The following SLC24A2 variants were observed in gnomAD, a reference collection of about 807,000 sequenced individuals.
SLC24A2 encodes solute carrier family 24 member 2.
In SLC24A2, 36 loss-of-function variants were observed where a neutral mutation model predicts 62.0. The ratio of observed to expected loss-of-function variants is 0.58; its 90% confidence interval spans 0.44 to 0.77. SLC24A2 has a LOEUF of 0.77. SLC24A2 is among the 30% of genes least tolerant of loss of function. The pLI is 0.00. For missense variants in SLC24A2, 846 were observed against 817.9 expected, an observed-to-expected ratio of 1.03 and a Z score of -0.42; for synonymous variants, 358 against 294.0, an observed-to-expected ratio of 1.22 and a Z score of -2.23.
chr9:20,281,845 A>T, the SLC24A2 span, among the ~76,000 whole-genome samples: 1 of 152,240 alleles, frequency 6.6e-6, no homozygotes. Context: ...ATATCTCTAC[A>T]GTACTAAATC....
intron 9 of SLC24A2, among the ~76,000 whole-genome samples, chr9:19,521,957 C>T (rs1314420786): frequency 1.3e-5 from 2 of 151,234 alleles, no homozygotes; most frequent in Non-Finnish European, 2.9e-5. Context: ...CACGTGGAAG[C>T]TCCTCCATTC....
chr9:19,804,706 T>C, the SLC24A2 span, among the ~76,000 whole-genome samples: 1 of 152,128 alleles, frequency 6.6e-6, no homozygotes, highest in Non-Finnish European at 1.5e-5. Flanking sequence ...GTCTTATTCC[T>C]GATCTCAGGG....
chr9:19,883,571 GTT>G, the SLC24A2 span, among the ~76,000 whole-genome samples: 41,862 of 147,812 alleles, frequency 0.28, 6,748 homozygotes, highest in African/African-American at 0.44. Context: ...TCTGTACATT[GTT>G]TTTTTTTTTT....
chr9:19,763,486 G>A (rs1314485274), intron 2 of SLC24A2, among the ~76,000 whole-genome samples: 4 of 152,178 alleles, frequency 2.6e-5, no homozygotes, highest in Non-Finnish European at 5.9e-5. Flanking sequence ...TTTGAGATAT[G>A]TTCCATCAAT....
the SLC24A2 span, among the ~76,000 whole-genome samples, chr9:19,828,421 C>T: frequency 2.6e-5 from 4 of 151,884 alleles, no homozygotes; most frequent in South Asian, 8.4e-4. Flanking sequence ...TATTTATTAC[C>T]CATACAACTA....
At chr9:20,105,295 A>C in the SLC24A2 span, among the ~76,000 whole-genome samples, 1 of 152,214 alleles carries the variant, frequency 6.6e-6, no homozygotes, top group Admixed American at 6.5e-5. Context: ...TCAACGAGAC[A>C]GAAAGTCAAC....
upstream of SLC24A2, among the ~76,000 whole-genome samples, chr9:19,790,590 C>G (rs561226235): frequency 6.7e-6 from 1 of 149,034 alleles, no homozygotes; most frequent in African/African-American, 2.5e-5. Context: ...ATGATTATAT[C>G]TATTAATTGA....
chr9:20,180,243 T>G, the SLC24A2 span, among the ~76,000 whole-genome samples: 58,727 of 151,994 alleles, frequency 0.39, 12,443 homozygotes, highest in East Asian at 0.51. Context: ...ACAAATTCAC[T>G]AATAACACCT....
chr9:19,820,283 G>A, the SLC24A2 span, among the ~76,000 whole-genome samples: 1 of 149,620 alleles, frequency 6.7e-6, no homozygotes, highest in Non-Finnish European at 1.5e-5. Context: ...GGGGGTTTGG[G>A]GGGAAGAGTG....
chr9:20,247,556 T>C, the SLC24A2 span, among the ~76,000 whole-genome samples: 2 of 152,178 alleles, frequency 1.3e-5, no homozygotes, highest in African/African-American at 2.4e-5. Flanking sequence ...GAGAAGTCAA[T>C]TGTCTACCAG....
chr9:20,276,218 C>T, the SLC24A2 span, among the ~76,000 whole-genome samples: 3 of 152,152 alleles, frequency 2.0e-5, no homozygotes, highest in Non-Finnish European at 4.4e-5. Flanking sequence ...AAATAGAAAG[C>T]AAGTTAATTT....
At chr9:19,708,041 A>G (rs925599102) in intron 2 of SLC24A2, among the ~76,000 whole-genome samples, 4 of 152,232 alleles carry the variant, frequency 2.6e-5, no homozygotes, top group Non-Finnish European at 5.9e-5. Context: ...TAAGCTGATA[A>G]GCAAATTCAG....
the SLC24A2 span, among the ~76,000 whole-genome samples, chr9:19,836,681 C>G: frequency 6.6e-6 from 1 of 152,158 alleles, no homozygotes; most frequent in Non-Finnish European, 1.5e-5. Flanking sequence ...CCTTCTGAAA[C>G]TATTCCAATC....
chr9:19,636,315 T>TTTTCTTTCTTTCTTTCTTTC (rs72137164), intron 2 of SLC24A2, among the ~76,000 whole-genome samples: 58 of 40,058 alleles, frequency 1.4e-3, no homozygotes, highest in Admixed American at 2.2e-3. Context: ...TTTTCTTTTC[T>TTTTCTTTCTTTCTTTCTTTC]TTTCTTTCTT....
chr9:20,233,741 T>C, the SLC24A2 span, among the ~76,000 whole-genome samples: 13 of 152,212 alleles, frequency 8.5e-5, no homozygotes, highest in Non-Finnish European at 1.2e-4. Context: ...AAGTTAATAG[T>C]GTTATGTGTG....
chr9:20,089,179 G>A, the SLC24A2 span, among the ~76,000 whole-genome samples: 1 of 152,136 alleles, frequency 6.6e-6, no homozygotes, highest in South Asian at 2.1e-4. Context: ...AGGCTCTGGT[G>A]AGTCTGCAGG....
At chr9:20,061,372 C>T in the SLC24A2 span, among the ~76,000 whole-genome samples, 305 of 152,100 alleles carry the variant, frequency 2.0e-3, 1 homozygote, top group African/African-American at 7.1e-3. Context: ...CCACAACCTC[C>T]GCCTCCTTGG....
chr9:20,274,429 G>C, the SLC24A2 span, among the ~76,000 whole-genome samples: 3 of 152,180 alleles, frequency 2.0e-5, no homozygotes, highest in Non-Finnish European at 4.4e-5. Flanking sequence ...GATCAAAAAA[G>C]TGTCCTGATC....
At chr9:20,271,522 T>C in the SLC24A2 span, among the ~76,000 whole-genome samples, 2 of 152,344 alleles carry the variant, frequency 1.3e-5, 1 homozygote, top group South Asian at 4.1e-4. Flanking sequence ...ACTTTACAAA[T>C]GACTGAGATT....
Sources: allele counts gnomAD v4.1 joint callset (sites outside exome capture counted in the v4.1 genomes callset), GRCh38; gene constraint gnomAD v4.1.1; transcripts MANE v1.5; gene names NCBI Gene and HGNC (gene_info 2026-07-23, HGNC 2026-07-21).